Variants in MSRA observed in about 807,000 individuals in gnomAD.
MSRA encodes the protein mitochondrial peptide methionine sulfoxide reductase.
Under a neutral mutation model 31.3 loss-of-function variants are expected in MSRA, and 54 were observed. The ratio of observed to expected loss-of-function variants is 1.73; its 90% confidence interval spans 1.39 to 2.17. MSRA has a LOEUF of 2.17. MSRA is among the 30% of genes most tolerant of loss of function. The pLI, the probability that MSRA is intolerant of heterozygous loss-of-function variation, is 0.00. For missense variants in MSRA, 507 were observed against 300.9 expected, an observed-to-expected ratio of 1.69 and a Z score of -5.07; for synonymous variants, 169 against 116.5, an observed-to-expected ratio of 1.45 and a Z score of -2.90.
intron 5 of MSRA, among the ~76,000 whole-genome samples, chr8:10,350,833 C>A (rs962232558): frequency 6.6e-5 from 10 of 152,236 alleles, no homozygotes; most frequent in South Asian, 2.1e-4. Context: ...TTCCAGTTCC[C>A]AGGGTCGCTT....
chr8:10,129,002 T>C (rs953329890), intron 1 of MSRA, among the ~76,000 whole-genome samples: 2 of 152,214 alleles, frequency 1.3e-5, no homozygotes, highest in Admixed American at 1.3e-4. Flanking sequence ...GCTTTCTCTC[T>C]TAATTTTCTC....
chr8:10,134,027 C>T (rs1004190106), intron 1 of MSRA, among the ~76,000 whole-genome samples: 17 of 152,042 alleles, frequency 1.1e-4, no homozygotes, highest in African/African-American at 3.6e-4. Flanking sequence ...GAAGGGGTTT[C>T]ACCACCTTGG....
chr8:10,353,286 G>C (rs1047427081), intron 5 of MSRA, among the ~76,000 whole-genome samples: 1 of 152,206 alleles, frequency 6.6e-6, no homozygotes, highest in Non-Finnish European at 1.5e-5. Context: ...CCAATAAAAA[G>C]CCACTCAGCA....
At chr8:10,157,344 C>A (rs961376490) in intron 1 of MSRA, among the ~76,000 whole-genome samples, 1 of 152,154 alleles carries the variant, frequency 6.6e-6, no homozygotes, top group Non-Finnish European at 1.5e-5. Context: ...CTCTCACTGT[C>A]TGATGGTGTG....
chr8:10,087,720 G>C (rs763545204), intron 1 of MSRA, among the ~76,000 whole-genome samples: 4 of 152,204 alleles, frequency 2.6e-5, no homozygotes, highest in Admixed American at 2.6e-4. Flanking sequence ...TATTCTGAGA[G>C]TGCCATACCC....
intron 5 of MSRA, among the ~76,000 whole-genome samples, chr8:10,373,628 G>C (rs766078487): frequency 6.6e-6 from 1 of 152,268 alleles, no homozygotes; most frequent in African/African-American, 2.4e-5. Context: ...AAGGGGATCA[G>C]GGTTGGCTTG....
At chr8:10,204,412 G>C (rs528822391) in intron 1 of MSRA, among the ~76,000 whole-genome samples, 2 of 152,286 alleles carry the variant, frequency 1.3e-5, no homozygotes, top group South Asian at 4.1e-4. Flanking sequence ...ACCCTAGACA[G>C]GTGTACCTTT....
Position 10,397,023 on chromosome 8 carries a change from G to C in MSRA, c.544-31125G>C, listed in dbSNP as rs753727162. Among the ~76,000 whole-genome samples the C allele has an allele frequency of 5.3e-5, 8 of 152,284 alleles. No individual in the cohort carries two copies. The South Asian group carries it at 6.2e-4, about 12-fold the overall frequency. ...TACTCCAGGAACCTGGATAAGGATT[G>C]TTCTCCATCTCTAGACAGCTTAGAG... is the stretch of plus-strand genomic sequence containing the variant. On this transcript the variant is annotated intron_variant, in intron 5 of 5. Coordinates refer to ENST00000317173, the MANE Select transcript of MSRA (RefSeq NM_012331.5).
chr8:10,119,742 T>C (rs143700230), intron 1 of MSRA, among the ~76,000 whole-genome samples: 347 of 152,244 alleles, frequency 2.3e-3, no homozygotes, highest in African/African-American at 8.2e-3. Context: ...AGACGTCTTA[T>C]AATCGAGTAG....
intron 4 of MSRA, among the ~76,000 whole-genome samples, chr8:10,303,734 G>A (rs970822104): frequency 6.6e-6 from 1 of 152,156 alleles, no homozygotes; most frequent in Non-Finnish European, 1.5e-5. Flanking sequence ...GGAAGGGCAG[G>A]GGATGATGGT....
chr8:10,241,634 A>G (rs1477028366), intron 2 of MSRA, among the ~76,000 whole-genome samples: 1 of 152,176 alleles, frequency 6.6e-6, no homozygotes, highest in East Asian at 1.9e-4. Flanking sequence ...GAAGATCACT[A>G]TTTTGCAACT....
intron 1 of MSRA, among the ~76,000 whole-genome samples, chr8:10,175,891 T>G (rs1226778479): frequency 6.6e-6 from 1 of 152,262 alleles, no homozygotes; most frequent in Non-Finnish European, 1.5e-5. Flanking sequence ...TGTTTATTTT[T>G]TATTCATTCC....
chr8:10,262,055 G>C (rs1205059508), intron 3 of MSRA, among the ~76,000 whole-genome samples: 1 of 152,150 alleles, frequency 6.6e-6, no homozygotes, highest in Non-Finnish European at 1.5e-5. Context: ...GGGCTTGATG[G>C]CTTATGTCTT....
At chr8:10,150,911 G>T (rs1414824138) in intron 1 of MSRA, among the ~76,000 whole-genome samples, 2 of 152,110 alleles carry the variant, frequency 1.3e-5, no homozygotes, top group Non-Finnish European at 2.9e-5. Context: ...TTATATATCA[G>T]TAAGGTGTGG....
intron 3 of MSRA, among the ~76,000 whole-genome samples, chr8:10,277,997 C>A (rs894676894): frequency 2.0e-5 from 3 of 152,072 alleles, no homozygotes; most frequent in Non-Finnish European, 2.9e-5. Flanking sequence ...AAGTTGTAAA[C>A]CTCTTTCCAT....
At chr8:10,334,041 A>G (rs906913779) in intron 5 of MSRA, among the ~76,000 whole-genome samples, 1 of 152,170 alleles carries the variant, frequency 6.6e-6, no homozygotes, top group Non-Finnish European at 1.5e-5. Context: ...TGGTCTGATA[A>G]CAGCAGCAGC....
intron 5 of MSRA, among the ~76,000 whole-genome samples, chr8:10,405,817 C>T (rs552910152): frequency 9.0e-5 from 13 of 145,236 alleles, no homozygotes; most frequent in Non-Finnish European, 1.9e-4. Flanking sequence ...TCGCGTACAC[C>T]CATGTGCTCA....
intron 4 of MSRA, among the ~76,000 whole-genome samples, chr8:10,315,918 T>TTTTTCTGTCCTATC (rs1801686231): frequency 6.6e-6 from 1 of 152,240 alleles, no homozygotes; most frequent in Non-Finnish European, 1.5e-5. Context: ...ACAAACAAAA[T>TTTTTCTGTCCTATC]TCACACTATG....
intron 5 of MSRA, among the ~76,000 whole-genome samples, chr8:10,350,371 G>A (rs1377879446): frequency 6.6e-6 from 1 of 152,208 alleles, no homozygotes; most frequent in Non-Finnish European, 1.5e-5. Context: ...TTAGAGTGCG[G>A]GACTGGACAG....
Sources: allele counts gnomAD v4.1 joint callset (sites outside exome capture counted in the v4.1 genomes callset), GRCh38; gene constraint gnomAD v4.1.1; transcripts MANE v1.5; gene names NCBI Gene and HGNC (gene_info 2026-07-23, HGNC 2026-07-21).